Variants in SSBP2 observed in about 807,000 individuals in gnomAD.
The protein encoded by SSBP2 is single-stranded DNA-binding protein 2.
In SSBP2, 17 loss-of-function variants were observed where a neutral mutation model predicts 61.8. The ratio of observed to expected loss-of-function variants is 0.28; its 90% confidence interval spans 0.19 to 0.41. The LOEUF (loss-of-function observed/expected upper bound fraction) is 0.41, where lower values mean the gene tolerates loss of function less well. Among genes scored for constraint, SSBP2 ranks in the 10% least tolerant of loss-of-function variants. The probability of loss-of-function intolerance (pLI) is 1.00; values close to 1 mark genes in which losing one functional copy is unlikely to be tolerated. For synonymous variants in SSBP2, 139 were observed against 141.3 expected (o/e 0.98, Z 0.12); for missense variants, 310 against 458.7 (o/e 0.68, Z 2.96).
chr5:81,669,916 G>T lies in SSBP2; in HGVS notation c.63-19577C>A, dbSNP rs377279218. On this transcript the variant is annotated intron_variant, in intron 1 of 16. Coordinates refer to ENST00000320672, the MANE Select transcript of SSBP2 (RefSeq NM_012446.5). ...TAAGAGAAAGAAACCAATCTGAAAAGGCTACATACTGTATGATTCCAACTT... is the reference window on the plus strand; with the variant it reads ...TAAGAGAAAGAAACCAATCTGAAAATGCTACATACTGTATGATTCCAACTT... Among the ~76,000 whole-genome samples, 4 of 152,046 alleles carry T rather than the reference G, an allele frequency of 2.6e-5. No individual in the cohort carries two copies. In the East Asian group the frequency reaches 7.7e-4, roughly 29 times the overall value.
rs1293953584 is a variant in SSBP2, at chr5:81,415,438, T to C, written c.*5066A>G. 2 of 152,164 alleles carry C rather than the reference T, an allele frequency of 1.3e-5. No homozygotes were observed. The highest frequency in any genetic ancestry group is 2.9e-5 in the Non-Finnish European group (2 of 68,020). 9.4% of individuals were successfully genotyped at this position (152,164 alleles called of 1,614,324 possible). On this transcript the variant is annotated 3_prime_UTR_variant, in exon 17 of 17. Transcript: ENST00000320672. ...CGTTTACTTATAATACCTAATACAATGTATTATAAATGCCATGGAAATCAT... is the reference window on the plus strand; with the variant it reads ...CGTTTACTTATAATACCTAATACAACGTATTATAAATGCCATGGAAATCAT...
At chr5:81,545,067 C>A (rs1346968982) in intron 4 of SSBP2, among the ~76,000 whole-genome samples, 3 of 152,180 alleles carry the variant, frequency 2.0e-5, no homozygotes, top group African/African-American at 7.2e-5. Context: ...CATCATCACT[C>A]CTCTACACTT....
Position 81,428,636 on chromosome 5 carries a change from C to T in SSBP2, c.1005G>A (p.Arg335=), listed in dbSNP as rs1382083612. ...AATTTCCCCCCATTTCGCCATCATC[C>T]CTTGGAGTGCCCGGTTGATTACTCA... Residue 335 remains arginine, a synonymous_variant, in exon 16 of 17, where the codon AGG becomes AGA. Coordinates refer to ENST00000320672, the MANE Select transcript of SSBP2 (RefSeq NM_012446.5). The T allele has an allele frequency of 1.1e-5, 18 of 1,613,430 alleles. No individual in the cohort carries two copies. Among genetic ancestry groups the T allele is most frequent in the Non-Finnish European group, 1.4e-5 (17 of 1,179,566 alleles).
At chr5:81,467,096 A>T in intron 8 of SSBP2, 31 bp from the exon 9 acceptor site, 1 of 1,462,318 alleles carries the variant, frequency 6.8e-7, no homozygotes, top group South Asian at 1.2e-5. Context: ...AAAACCAAAG[A>T]GGAGGGGGGA....
intron 5 of SSBP2, among the ~76,000 whole-genome samples, chr5:81,492,833 G>A (rs1028459889): frequency 6.6e-6 from 1 of 151,982 alleles, no homozygotes; most frequent in African/African-American, 2.4e-5. Context: ...AGTTAAACCA[G>A]GTGACTTCTA....
chr5:81,710,801 A>G, intron 1 of SSBP2: 1 of 408,254 alleles, frequency 2.4e-6, no homozygotes, highest in Non-Finnish European at 4.9e-6. Flanking sequence ...GTTTTAATAT[A>G]AGGAATAGGC....
intron 4 of SSBP2, among the ~76,000 whole-genome samples, chr5:81,586,938 A>C (rs1775101936): frequency 6.6e-6 from 1 of 152,040 alleles, no homozygotes. Flanking sequence ...CCTAGTGGAC[A>C]CTTCACATAT....
intron 4 of SSBP2, among the ~76,000 whole-genome samples, chr5:81,521,831 T>C (rs1475759138): frequency 1.3e-5 from 2 of 151,930 alleles, no homozygotes; most frequent in African/African-American, 4.8e-5. Flanking sequence ...CTCACAAGGG[T>C]CATTTTTTGC....
intron 10 of SSBP2, among the ~76,000 whole-genome samples, chr5:81,450,377 C>T (rs1447978170): frequency 6.6e-6 from 1 of 152,078 alleles, no homozygotes; most frequent in African/African-American, 2.4e-5. Flanking sequence ...ATTTATCTAT[C>T]GGCTCCTAGG....
chr5:81,730,604 A>G (rs960633161), intron 1 of SSBP2, among the ~76,000 whole-genome samples: 1 of 152,254 alleles, frequency 6.6e-6, no homozygotes, highest in African/African-American at 2.4e-5. Flanking sequence ...AAAAGGCAGG[A>G]GATTCTCAAA....
intron 14 of SSBP2, 81 bp from the exon 15 acceptor site, chr5:81,437,539 G>T: frequency 8.0e-7 from 1 of 1,247,938 alleles, no homozygotes; most frequent in Non-Finnish European, 1.1e-6. Context: ...TTAAATAAGT[G>T]AAGTATACTA....
At chr5:81,501,412 C>T (rs1767753608) in intron 5 of SSBP2, among the ~76,000 whole-genome samples, 1 of 149,176 alleles carries the variant, frequency 6.7e-6, no homozygotes, top group Non-Finnish European at 1.5e-5. Context: ...TTGTAGAATA[C>T]AAAAATGACA....
At chr5:81,665,463 A>T (rs1751034075) in intron 1 of SSBP2, among the ~76,000 whole-genome samples, 1 of 151,968 alleles carries the variant, frequency 6.6e-6, no homozygotes, top group Non-Finnish European at 1.5e-5. Context: ...GACAACGTAA[A>T]ATAGATTAGG....
rs1761371563 is a variant in SSBP2 at position 81,417,702 on chromosome 5, G to A, written c.*2802C>T. 6.6e-6 allele frequency: 1 copy of A among 152,088 alleles called. No homozygotes were observed. The highest frequency in any genetic ancestry group is 1.5e-5 in the Non-Finnish European group (1 of 68,018). The allele number at this position is 152,088 out of a possible 1,614,324, so 9.4% of individuals were successfully genotyped here. ...ACAGATATACTGTCTTCCATTCAGT[G>A]CATGAAAGAATTATCTGGATATAAA... On this transcript the variant is annotated 3_prime_UTR_variant, in exon 17 of 17. Coordinates refer to ENST00000320672, the MANE Select transcript of SSBP2 (RefSeq NM_012446.5).
In SSBP2 at chr5:81,662,795, A is replaced by G. The variant is rs1377256062; in HGVS notation, c.63-12456T>C. On this transcript the variant is annotated intron_variant, in intron 1 of 16. Coordinates refer to ENST00000320672, the MANE Select transcript of SSBP2 (RefSeq NM_012446.5). Reference sequence around the variant, plus strand: ...CAGCCTGGGTGACAGAGCAAGACTCAATCTCAAAAACAGAAACAAAAAGAA... The same window carrying G: ...CAGCCTGGGTGACAGAGCAAGACTCGATCTCAAAAACAGAAACAAAAAGAA... Among the ~76,000 whole-genome samples, 8 of 152,146 alleles carry G rather than the reference A, an allele frequency of 5.3e-5. 1 individual carries two copies. The highest frequency in any genetic ancestry group is 1.9e-4 in the African/African-American group (8 of 41,444).
intron 3 of SSBP2, among the ~76,000 whole-genome samples, chr5:81,630,935 C>G (rs537653585): frequency 6.6e-6 from 1 of 152,124 alleles, no homozygotes; most frequent in East Asian, 1.9e-4. Context: ...CTTTGTTAAC[C>G]CACTGATCCA....
chr5:81,432,442 C>G (rs897202682), intron 15 of SSBP2, among the ~76,000 whole-genome samples: 2 of 152,122 alleles, frequency 1.3e-5, no homozygotes, highest in Admixed American at 6.5e-5. Flanking sequence ...TCCTTAGCTG[C>G]TTTTCTTCTA....
intron 4 of SSBP2, among the ~76,000 whole-genome samples, chr5:81,607,990 G>A (rs1434503664): frequency 6.6e-6 from 1 of 152,078 alleles, no homozygotes; most frequent in East Asian, 1.9e-4. Flanking sequence ...TTCTCACCAA[G>A]TTGTATTTTC....
chr5:81,457,523 TAAGTAC>T (rs2153990840), intron 10 of SSBP2, among the ~76,000 whole-genome samples: 1 of 152,248 alleles, frequency 6.6e-6, no homozygotes, highest in African/African-American at 2.4e-5. Flanking sequence ...TCTAAGTTAA[TAAGTAC>T]AAGGGGAAAA....
Sources: allele counts gnomAD v4.1 joint callset (sites outside exome capture counted in the v4.1 genomes callset), GRCh38; gene constraint gnomAD v4.1.1; transcripts MANE v1.5; gene names NCBI Gene and HGNC (gene_info 2026-07-23, HGNC 2026-07-21).